ACTR3: variants seen among roughly 807,000 people sequenced by gnomAD.
The protein encoded by ACTR3 is actin-related protein 3.
ACTR3 carries 12 observed loss-of-function variants against 56.8 expected under a neutral mutation model. The observed-to-expected ratio is 0.21, with a 90% CI of 0.14 to 0.34. The LOEUF (loss-of-function observed/expected upper bound fraction) is 0.34, where lower values mean the gene tolerates loss of function less well. Ranked by LOEUF, ACTR3 falls within the 10% of genes least tolerant of loss-of-function variation. ACTR3 has a pLI of 1.00. For missense variants in ACTR3, 282 were observed against 512.5 expected (o/e 0.55, Z 4.34); for synonymous variants, 162 against 167.4 (o/e 0.97, Z 0.25).
At chr2:113,914,894 C>G (rs1328396239) in intron 2 of ACTR3, among the ~76,000 whole-genome samples, 2 of 152,018 alleles carry the variant, frequency 1.3e-5, no homozygotes, top group South Asian at 2.1e-4. Flanking sequence ...TTTATTATTA[C>G]CTTTTAAATA....
chr2:113,960,380 TTAAAA>T lies in ACTR3; in HGVS notation c.*2929_*2933del, dbSNP rs1257672946. ...TTTGTTTTCACAGCTACTTAAAAGA[TTAAAA>T]TAACTATTCTTGCAGATATTTCTAG... is the stretch of plus-strand genomic sequence containing the variant. On this transcript the variant is annotated 3_prime_UTR_variant, in exon 12 of 12. Transcript: ENST00000263238. 160 of 152,138 alleles carry T rather than the reference TTAAAA, an allele frequency of 1.1e-3. 1 individual carries two copies. The highest frequency in any genetic ancestry group is 3.7e-3 in the African/African-American group (152 of 41,554). The allele number at this position is 152,138 out of a possible 1,614,324, so 9.4% of individuals were successfully genotyped here.
intron 1 of ACTR3, among the ~76,000 whole-genome samples, chr2:113,909,618 GTTGT>G (rs1559463129): frequency 4.8e-5 from 7 of 145,464 alleles, no homozygotes; most frequent in South Asian, 2.2e-4. Context: ...TGTTGTTGTT[GTTGT>G]TTTTTTTTTT....
intron 1 of ACTR3, chr2:113,890,554 C>T: frequency 3.6e-6 from 5 of 1,371,690 alleles, no homozygotes; most frequent in South Asian, 1.6e-5. Context: ...ACCCCCAACC[C>T]TCCCAGCGGC....
At chr2:113,915,504 A>C (rs143206015) in intron 2 of ACTR3, among the ~76,000 whole-genome samples, 1 of 152,158 alleles carries the variant, frequency 6.6e-6, no homozygotes, top group African/African-American at 2.4e-5. Context: ...TTAGGACTTC[A>C]TATCTTTTTG....
chr2:113,890,628 C>T (rs1035743662), intron 1 of ACTR3: 1 of 1,280,324 alleles, frequency 7.8e-7, no homozygotes, highest in Non-Finnish European at 9.9e-7. Context: ...CCAAAGGGCG[C>T]TGGGGACGGT....
chr2:113,949,321 T>C (rs1000004537), intron 8 of ACTR3, among the ~76,000 whole-genome samples: 1 of 136,886 alleles, frequency 7.3e-6, no homozygotes, highest in African/African-American at 2.9e-5. Flanking sequence ...GAGGTTGCAG[T>C]GAGCCAAGAT....
chr2:113,918,386 C>CTTT (rs59646022), intron 3 of ACTR3, among the ~76,000 whole-genome samples: 8 of 137,706 alleles, frequency 5.8e-5, no homozygotes, highest in African/African-American at 1.9e-4. Flanking sequence ...TCTTTTCTTT[C>CTTT]TTTTTTTTTT....
rs1553497994 is a variant in ACTR3, at chr2:113,948,986, T to G, written c.859-2493T>G. ...TCTTTTTCACTCCATTTACATGATC[T>G]AAATGAAAAGATTTTGTATTAGTAT... On this transcript the variant is annotated intron_variant, in intron 8 of 11. Transcript: ENST00000263238. 3.0e-5 allele frequency among the ~76,000 whole-genome samples: 2 copies of G among 67,246 alleles called. 1 individual carries two copies. The highest frequency in any genetic ancestry group is 4.8e-5 in the Non-Finnish European group (2 of 41,886). The allele number at this position is 67,246 out of a possible 152,430, so 44.1% of individuals were successfully genotyped here.
At chr2:113,914,088 A>AT (rs1219030410) in intron 2 of ACTR3, among the ~76,000 whole-genome samples, 1 of 134,466 alleles carries the variant, frequency 7.4e-6, no homozygotes, top group Non-Finnish European at 1.6e-5. Flanking sequence ...ATGTGACTGA[A>AT]TTTTTTGTAT....
intron 3 of ACTR3, among the ~76,000 whole-genome samples, chr2:113,917,291 A>G (rs1679424112): frequency 6.9e-6 from 1 of 144,980 alleles, no homozygotes; most frequent in African/African-American, 2.4e-5. Context: ...CTTTACTTCC[A>G]CATTGCTACT....
In ACTR3 at chr2:113,951,516, T is replaced by C. The variant is rs1315398549; in HGVS notation, c.896T>C (p.Val299Ala). The C allele has an allele frequency of 1.9e-6, 3 of 1,613,090 alleles. No individual in the cohort carries two copies. Among genetic ancestry groups the C allele is most frequent in the South Asian group, 2.2e-5 (2 of 91,054 alleles). Residue 299 changes from valine to alanine, a missense_variant, in exon 9 of 12, where the codon GTT becomes GCT. Coordinates refer to ENST00000263238, the MANE Select transcript of ACTR3 (RefSeq NM_005721.5). ...NPDFTQPISEVVDEVIQNCPI... is the reference protein window; with the variant it reads ...NPDFTQPISEAVDEVIQNCPI... The stretch of plus-strand genomic sequence containing the variant: ...GACTTTACACAACCTATCTCAGAAG[T>C]TGTAGATGAAGTAATTCAGAATTGT...
intron 1 of ACTR3, among the ~76,000 whole-genome samples, chr2:113,899,137 A>G (rs898110688): frequency 6.6e-6 from 1 of 152,206 alleles, no homozygotes; most frequent in African/African-American, 2.4e-5. Flanking sequence ...ATAACACATT[A>G]AAGTGAAATA....
chr2:113,944,851 G>A (rs1679988162), intron 8 of ACTR3, among the ~76,000 whole-genome samples: 1 of 152,162 alleles, frequency 6.6e-6, no homozygotes, highest in Admixed American at 6.5e-5. Flanking sequence ...CATATTAATA[G>A]TATGGGGCAT....
At chr2:113,897,206 T>C (rs1324920801) in intron 1 of ACTR3, among the ~76,000 whole-genome samples, 2 of 152,168 alleles carry the variant, frequency 1.3e-5, no homozygotes, top group Non-Finnish European at 2.9e-5. Context: ...GATAAGGTGA[T>C]GTTATTGGAT....
At chr2:113,956,779 A>G (rs2104634204) in intron 11 of ACTR3, among the ~76,000 whole-genome samples, 1 of 152,340 alleles carries the variant, frequency 6.6e-6, no homozygotes, top group Middle Eastern at 3.4e-3. Context: ...AACCATTTCC[A>G]ACATAAGAGG....
rs1358695487 is a variant in ACTR3, at chr2:113,959,176, C to T, written c.*1721C>T. ...AGCCTGTCTCATTTTTCCATCATTACACAGACTACTTGGAATGTCTTAGAT... is the reference window on the plus strand; with the variant it reads ...AGCCTGTCTCATTTTTCCATCATTATACAGACTACTTGGAATGTCTTAGAT... On this transcript the variant is annotated 3_prime_UTR_variant, in exon 12 of 12. Transcript: ENST00000263238. The T allele has an allele frequency of 2.6e-5, 4 of 151,968 alleles. No individual in the cohort carries two copies. The highest frequency in any genetic ancestry group is 5.9e-5 in the Non-Finnish European group (4 of 67,882). The allele number at this position is 151,968 out of a possible 1,614,324, so 9.4% of individuals were successfully genotyped here. A position where few individuals can be genotyped will look rare whatever the true frequency, so the allele number is the denominator to read the frequency against.
chr2:113,915,902 C>T (rs1679396826), intron 2 of ACTR3, among the ~76,000 whole-genome samples: 1 of 152,188 alleles, frequency 6.6e-6, no homozygotes, highest in Admixed American at 6.5e-5. Context: ...CAGATAGAGA[C>T]ATTGCCACTG....
intron 3 of ACTR3, among the ~76,000 whole-genome samples, chr2:113,924,749 A>G (rs957527873): frequency 5.3e-5 from 8 of 151,872 alleles, no homozygotes; most frequent in Admixed American, 3.9e-4. Flanking sequence ...TCTGTTCTCC[A>G]CAAGTTCCTC....
In ACTR3 at chr2:113,934,406, A is replaced by C. The variant is rs1679787077; in HGVS notation, c.540+20A>C. 1.4e-6 allele frequency: 2 copies of C among 1,413,834 alleles called. No homozygotes were observed. The highest frequency in any genetic ancestry group is 1.9e-6 in the Non-Finnish European group (2 of 1,028,492). The allele number at this position is 1,413,834 out of a possible 1,614,324, so 87.6% of individuals were successfully genotyped here. The stretch of plus-strand genomic sequence containing the variant: ...CCTGTGGTAAGGCTATTTTACAGTT[A>C]CTGAACAGAACATGAAATAACACAT... On this transcript the variant is annotated intron_variant, in intron 6 of 11. Coordinates refer to ENST00000263238, the MANE Select transcript of ACTR3 (RefSeq NM_005721.5).
Sources: allele counts gnomAD v4.1 joint callset (sites outside exome capture counted in the v4.1 genomes callset), GRCh38; gene constraint gnomAD v4.1.1; transcripts MANE v1.5; gene names NCBI Gene and HGNC (gene_info 2026-07-23, HGNC 2026-07-21).